The following ATP2C2 variants were observed in gnomAD, a reference collection of about 807,000 sequenced individuals.
ATP2C2 encodes ATPase secretory pathway Ca2+ transporting 2.
A neutral mutation model predicts 110.8 loss-of-function variants in ATP2C2; 171 were observed. The observed-to-expected ratio is 1.54, with a 90% CI of 1.36 to 1.75. The LOEUF (loss-of-function observed/expected upper bound fraction) is 1.75, where lower values mean the gene tolerates loss of function less well. ATP2C2 is among the 40% of genes most tolerant of loss of function. ATP2C2 has a pLI of 0.00. For missense variants in ATP2C2, 1,963 were observed against 1,235.0 expected (o/e 1.59, Z -8.84); for synonymous variants, 804 against 508.4 (o/e 1.58, Z -7.82).
chr16:84,373,191 T>C (rs533933224), intron 1 of ATP2C2, among the ~76,000 whole-genome samples: 109 of 151,506 alleles, frequency 7.2e-4, no homozygotes, highest in Admixed American at 3.6e-3. Context: ...TTTTGATATA[T>C]TGGTGATGTC....
chr16:84,380,597 G>A (rs952895428), intron 1 of ATP2C2, among the ~76,000 whole-genome samples: 4 of 152,210 alleles, frequency 2.6e-5, no homozygotes, highest in Non-Finnish European at 5.9e-5. Flanking sequence ...CCTTTTCTGC[G>A]CAAGTCTAGA....
chr16:84,449,726 G>A (rs888704546), intron 17 of ATP2C2, among the ~76,000 whole-genome samples: 1 of 152,204 alleles, frequency 6.6e-6, no homozygotes, highest in African/African-American at 2.4e-5. Flanking sequence ...GGAGAGATTG[G>A]GAGACAATCT....
intron 1 of ATP2C2, among the ~76,000 whole-genome samples, chr16:84,393,940 G>A (rs1904814206): frequency 6.6e-6 from 1 of 150,554 alleles, no homozygotes. Flanking sequence ...TGGATCACTT[G>A]AGTCCAGGGG....
In ATP2C2 at chr16:84,451,706, C is replaced by T. The variant is rs145541268; in HGVS notation, c.1661-215C>T. On this transcript the variant is annotated intron_variant, in intron 17 of 26. Transcript: ENST00000262429. ...TACAAAAATTAGCTGGGCCTGGAGG[C>T]GCATGCCCGTAATCCCAGCTACTCA... Among the ~76,000 whole-genome samples the T allele has an allele frequency of 2.4e-4, 36 of 152,204 alleles. 1 individual carries two copies. The East Asian group carries it at 3.9e-3, about 16-fold the overall frequency.
Position 84,462,126 on chromosome 16 carries a change from C to T in ATP2C2, c.2719C>T (p.Leu907Phe), listed in dbSNP as rs745964883. 3 of 1,612,874 alleles carry T rather than the reference C, an allele frequency of 1.9e-6. No homozygotes were observed. Among genetic ancestry groups the T allele is most frequent in the East Asian group, 2.2e-5 (1 of 44,846 alleles). ...CTTCCAGACGGAGAACCTGGGAGCG[C>T]TTGGTGAGTGGTGGGGACGGGAACG... ...RVFQTENLGA[L>F]DLLFLTGLAS... Residue 907 changes from leucine to phenylalanine, a missense_variant, in exon 26 of 27, where the codon CTT becomes TTT. By Grantham distance (22) the Leu-to-Phe change is conservative. Transcript: ENST00000262429.
At chr16:84,388,656 C>G (rs192884627) in intron 1 of ATP2C2, among the ~76,000 whole-genome samples, 1 of 152,202 alleles carries the variant, frequency 6.6e-6, no homozygotes, top group Non-Finnish European at 1.5e-5. Context: ...TGTCAGGAAG[C>G]CCACTCGATT....
intron 1 of ATP2C2, among the ~76,000 whole-genome samples, chr16:84,387,613 T>C (rs1040094805): frequency 2.0e-5 from 3 of 152,188 alleles, no homozygotes; most frequent in Non-Finnish European, 2.9e-5. Context: ...TAGAATACTA[T>C]AGAGCAACAA....
chr16:84,371,211 C>T (rs1298362251), intron 1 of ATP2C2, among the ~76,000 whole-genome samples: 1 of 152,090 alleles, frequency 6.6e-6, no homozygotes, highest in Non-Finnish European at 1.5e-5. Flanking sequence ...TCAGCATTTC[C>T]AGGAATGGAA....
intron 10 of ATP2C2, among the ~76,000 whole-genome samples, chr16:84,423,692 A>G (rs985617485): frequency 3.3e-5 from 5 of 152,212 alleles, no homozygotes; most frequent in Admixed American, 2.6e-4. Context: ...TGTGGAGGAC[A>G]TTTTTAAGGC....
At chr16:84,462,263 C>A in intron 26 of ATP2C2, 134 bp downstream of exon 26, 1 of 1,201,902 alleles carries the variant, frequency 8.3e-7, no homozygotes. Context: ...GCTCTGTCTT[C>A]AGGGCCCTTC....
At position 84,449,267 on chromosome 16, in the gene ATP2C2, G is replaced by A. The variant is rs112909443; in HGVS notation, c.1660+578G>A. On this transcript the variant is annotated intron_variant, in intron 17 of 26. Coordinates refer to ENST00000262429, the MANE Select transcript of ATP2C2 (RefSeq NM_014861.4). ...CTCAGGAGCCTTGGTTTTCCCCTTCGGGGAACAGAGTTTGTAGGTTGCTGG... is the reference window on the plus strand; with the variant it reads ...CTCAGGAGCCTTGGTTTTCCCCTTCAGGGAACAGAGTTTGTAGGTTGCTGG... Among the ~76,000 whole-genome samples, 1,456 of 152,318 alleles carry A rather than the reference G, an allele frequency of 9.6e-3. 9 individuals carry two copies. The highest frequency in any genetic ancestry group is 0.031 in the Middle Eastern group (9 of 294).
At chr16:84,427,522 G>C (rs1450034148) in intron 11 of ATP2C2, among the ~76,000 whole-genome samples, 1 of 152,132 alleles carries the variant, frequency 6.6e-6, no homozygotes, top group Non-Finnish European at 1.5e-5. Context: ...TTCTAGACCA[G>C]TCTGGCCAAC....
At chr16:84,415,629 T>A (rs1485648227) in intron 7 of ATP2C2, 38 bp downstream of exon 7, 1 of 1,544,200 alleles carries the variant, frequency 6.5e-7, no homozygotes, top group Non-Finnish European at 8.9e-7. Flanking sequence ...GGGTATTTGA[T>A]GGAGCTGGTC....
intron 7 of ATP2C2, among the ~76,000 whole-genome samples, chr16:84,419,833 A>G (rs1236696804): frequency 2.0e-5 from 3 of 152,184 alleles, no homozygotes; most frequent in Admixed American, 6.5e-5. Flanking sequence ...ACTCGTGACA[A>G]GTACTGTTCC....
At chr16:84,412,816 C>T (rs367647305) in intron 6 of ATP2C2, among the ~76,000 whole-genome samples, 3 of 152,202 alleles carry the variant, frequency 2.0e-5, no homozygotes, top group Admixed American at 1.3e-4. Context: ...CTGTGATCAG[C>T]CGGGCGCGGT....
At chr16:84,412,407 C>A (rs1254058201) in intron 6 of ATP2C2, among the ~76,000 whole-genome samples, 1 of 92,344 alleles carries the variant, frequency 1.1e-5, no homozygotes, top group Non-Finnish European at 2.4e-5. Context: ...TGTGTCTGTG[C>A]ATGTGTCTGT....
In ATP2C2 at chr16:84,415,540, CG is replaced by C. The variant is rs1567707941; in HGVS notation, c.574del (p.Val192TyrfsTer42). 2 of 1,614,148 alleles carry C rather than the reference CG, an allele frequency of 1.2e-6. No homozygotes were observed. Among genetic ancestry groups the C allele is most frequent in the South Asian group, 2.2e-5 (2 of 91,074 alleles). ...CTCGAGAACTGGTTCCTGGTGATGT[CG>C]TATCTCTCTCGATCGGAGACCGGAT... ...LARELVPGDVVSLSIGDRIPA... is the reference protein window; with the variant it reads ...LARELVPGDVXSLSIGDRIPA... On this transcript the variant is annotated frameshift_variant, in exon 7 of 27. Transcript: ENST00000262429. LOFTEE classifies it high-confidence loss of function.
At position 84,370,087 on chromosome 16, in the gene ATP2C2, T is replaced by C. The variant is rs532533147; in HGVS notation, c.99+1373T>C. Among the ~76,000 whole-genome samples the C allele has an allele frequency of 9.6e-4, 146 of 152,338 alleles. 2 individuals carry two copies. The highest frequency in any genetic ancestry group is 3.5e-3 in the African/African-American group (144 of 41,572). On this transcript the variant is annotated intron_variant, in intron 1 of 26. Coordinates refer to ENST00000262429, the MANE Select transcript of ATP2C2 (RefSeq NM_014861.4). Reference sequence around the variant, plus strand: ...ATCAGGCCAGGTATTTTTCAAACTCTCCTGGTGTGTAGTTGGTTACCATCA... The same window carrying C: ...ATCAGGCCAGGTATTTTTCAAACTCCCCTGGTGTGTAGTTGGTTACCATCA...
At position 84,452,042 on chromosome 16, in the gene ATP2C2, G is replaced by C. The variant is rs1416923657; in HGVS notation, c.1782G>C (p.Val594=). ...TCCAGGTTCTCTCCGAGTCTGGTGT[G>C]TCTGTGAAGATGATAACGGGGGATG... ...EAVQVLSESG[V]SVKMITGDAL... The change falls in exon 18 of 27, where the codon GTG becomes GTC. Residue 594 remains valine, a synonymous_variant. Coordinates refer to ENST00000262429, the MANE Select transcript of ATP2C2 (RefSeq NM_014861.4). 3 of 1,613,804 alleles carry C rather than the reference G, an allele frequency of 1.9e-6. No individual in the cohort carries two copies. The highest frequency in any genetic ancestry group is 1.7e-6 in the Non-Finnish European group (2 of 1,179,992).
Sources: allele counts gnomAD v4.1 joint callset (sites outside exome capture counted in the v4.1 genomes callset), GRCh38; gene constraint gnomAD v4.1.1; transcripts MANE v1.5; gene names NCBI Gene and HGNC (gene_info 2026-07-23, HGNC 2026-07-21).